UNC13C: variants seen among roughly 807,000 people sequenced by gnomAD.
UNC13C encodes the protein unc-13 homolog C.
A neutral mutation model predicts 245.4 loss-of-function variants in UNC13C; 174 were observed. The observed-to-expected ratio is 0.71, with a 90% CI of 0.63 to 0.80. The LOEUF (loss-of-function observed/expected upper bound fraction) is 0.80. Among genes scored for constraint, UNC13C ranks in the 30% least tolerant of loss-of-function variants. The pLI is 0.00. For synonymous variants in UNC13C, 992 were observed against 895.1 expected, an observed-to-expected ratio of 1.11 and a Z score of -1.93; for missense variants, 2,829 against 2,602.9, an observed-to-expected ratio of 1.09 and a Z score of -1.89.
At chr15:54,048,985 G>T in intron 2 of UNC13C, 2 of 368,470 alleles carry the variant, frequency 5.4e-6, no homozygotes. Flanking sequence ...GCCAAAGTAT[G>T]CACCATTGTT....
intron 4 of UNC13C, among the ~76,000 whole-genome samples, chr15:54,224,126 A>G (rs925670386): frequency 1.1e-4 from 16 of 152,076 alleles, no homozygotes; most frequent in African/African-American, 3.9e-4. Flanking sequence ...GTTGCACTTT[A>G]TATCTTTTGT....
intron 2 of UNC13C, among the ~76,000 whole-genome samples, chr15:54,036,347 A>G (rs1328522614): frequency 2.0e-5 from 3 of 152,214 alleles, no homozygotes; most frequent in Non-Finnish European, 4.4e-5. Context: ...CCCACAACAA[A>G]GAATGATCTG....
chr15:54,265,405 C>A lies in UNC13C; in HGVS notation c.3727C>A (p.Pro1243Thr), dbSNP rs1298630858. ...QAKDKTGSSDPYVTVQVGKNK... is the reference protein window; with the variant it reads ...QAKDKTGSSDTYVTVQVGKNK... ...AAAAGATAAAACAGGGTCTAGTGATCCATATGTTACAGTTCAAGTTGGAAA... is the reference window on the plus strand; with the variant it reads ...AAAAGATAAAACAGGGTCTAGTGATACATATGTTACAGTTCAAGTTGGAAA... The change falls in exon 10 of 33, where the codon CCA becomes ACA. Residue 1243 changes from proline (P) to threonine (T), a missense_variant. By Grantham distance (38) the Pro-to-Thr change is conservative. Transcript: ENST00000260323. The A allele has an allele frequency of 5.7e-6, 9 of 1,587,442 alleles. No homozygotes were observed. Among genetic ancestry groups the A allele is most frequent in the Non-Finnish European group, 7.7e-6 (9 of 1,164,782 alleles).
chr15:53,907,115 A>T, the UNC13C span, among the ~76,000 whole-genome samples: 1 of 152,180 alleles, frequency 6.6e-6, no homozygotes, highest in Non-Finnish European at 1.5e-5. Flanking sequence ...ATTTTTTGCA[A>T]CTGAGAACCC....
At chr15:54,483,008 A>G (rs969719641) in intron 19 of UNC13C, among the ~76,000 whole-genome samples, 1 of 152,166 alleles carries the variant, frequency 6.6e-6, no homozygotes, top group African/African-American at 2.4e-5. Flanking sequence ...AGTGCTCTAA[A>G]CATTTAGGTA....
intron 7 of UNC13C, among the ~76,000 whole-genome samples, chr15:54,237,926 A>G (rs566660569): frequency 6.6e-6 from 1 of 152,246 alleles, no homozygotes; most frequent in South Asian, 2.1e-4. Context: ...CAATTCTAAC[A>G]TAGCTTCCCT....
rs569709477 is a variant in UNC13C, at chr15:54,219,430, C to T, written c.3072-15600C>T. ...GCTGAAACTGGATCCCTTTCTTACA[C>T]CTTCTACAAAAATTAATTCAAGATG... On this transcript the variant is annotated intron_variant, in intron 4 of 32. Coordinates refer to ENST00000260323, the MANE Select transcript of UNC13C (RefSeq NM_001080534.3). Among the ~76,000 whole-genome samples the T allele has an allele frequency of 3.3e-5, 5 of 152,222 alleles. No individual in the cohort carries two copies. The South Asian group carries it at 6.2e-4, about 19-fold the overall frequency.
At chr15:54,265,718 C>A (rs1164130274) in intron 10 of UNC13C, among the ~76,000 whole-genome samples, 1 of 151,624 alleles carries the variant, frequency 6.6e-6, no homozygotes, top group Non-Finnish European at 1.5e-5. Flanking sequence ...TACTTCAAAT[C>A]AAAAAAAGAT....
the UNC13C span, among the ~76,000 whole-genome samples, chr15:53,886,083 T>A: frequency 6.6e-6 from 1 of 152,138 alleles, no homozygotes; most frequent in Non-Finnish European, 1.5e-5. Flanking sequence ...TTGGAGACAT[T>A]GGTGGGAACT....
the UNC13C span, among the ~76,000 whole-genome samples, chr15:53,861,480 A>G: frequency 6.6e-6 from 1 of 152,070 alleles, no homozygotes; most frequent in African/African-American, 2.4e-5. Flanking sequence ...TATCATAATA[A>G]AAATATATCA....
chr15:54,285,038 T>C (rs2037106283), intron 10 of UNC13C, among the ~76,000 whole-genome samples: 1 of 152,146 alleles, frequency 6.6e-6, no homozygotes, highest in Non-Finnish European at 1.5e-5. Flanking sequence ...TTGCCCTTTG[T>C]TTCTATGATC....
At chr15:54,553,221 T>C (rs191996830) in intron 28 of UNC13C, among the ~76,000 whole-genome samples, 1,543 of 115,808 alleles carry the variant, frequency 0.013, 20 homozygotes, top group Non-Finnish European at 0.017. Context: ...CAATATATAT[T>C]ATATATTGTA....
At chr15:54,337,403 A>G (rs934029013) in intron 16 of UNC13C, among the ~76,000 whole-genome samples, 6 of 152,146 alleles carry the variant, frequency 3.9e-5, no homozygotes, top group African/African-American at 1.2e-4. Flanking sequence ...TATATGCCTA[A>G]TAGGCTTCTT....
At chr15:54,057,140 G>C (rs1320261127) in intron 2 of UNC13C, among the ~76,000 whole-genome samples, 2 of 152,154 alleles carry the variant, frequency 1.3e-5, no homozygotes, top group South Asian at 4.1e-4. Context: ...TGGGCTAAAT[G>C]CTCCAATTCA....
At chr15:54,080,208 T>G (rs1898869146) in intron 2 of UNC13C, among the ~76,000 whole-genome samples, 2 of 152,040 alleles carry the variant, frequency 1.3e-5, no homozygotes, top group Non-Finnish European at 1.5e-5. Flanking sequence ...GATAAGCTTC[T>G]TGATTTGATT....
chr15:54,310,700 T>C (rs1048507347), intron 13 of UNC13C, among the ~76,000 whole-genome samples: 1 of 151,636 alleles, frequency 6.6e-6, no homozygotes, highest in African/African-American at 2.4e-5. Context: ...CTCTTAACTC[T>C]AAATTGGCCA....
the UNC13C span, among the ~76,000 whole-genome samples, chr15:53,848,884 C>A: frequency 1.3e-5 from 2 of 151,252 alleles, no homozygotes. Flanking sequence ...CTAACATTAC[C>A]AGCTTCTCTC....
At chr15:54,311,561 A>G (rs2037873848) in intron 13 of UNC13C, among the ~76,000 whole-genome samples, 2 of 151,824 alleles carry the variant, frequency 1.3e-5, no homozygotes, top group South Asian at 4.1e-4. Context: ...TGATTTTCAC[A>G]TATTCACCAT....
intron 19 of UNC13C, among the ~76,000 whole-genome samples, chr15:54,453,137 A>G (rs1891275427): frequency 6.6e-6 from 1 of 152,184 alleles, no homozygotes; most frequent in Non-Finnish European, 1.5e-5. Flanking sequence ...CACAGTCTCC[A>G]GGCAGCTTTC....
Sources: gnomAD v4.1 joint callset for allele counts (sites outside exome capture counted in the v4.1 genomes callset) on GRCh38, gnomAD v4.1.1 for gene constraint, MANE v1.5 for transcripts, NCBI Gene and HGNC (gene_info 2026-07-23, HGNC 2026-07-21) for gene names.